The following RPS6KC1 variants were observed in gnomAD, a reference collection of about 807,000 sequenced individuals.
RPS6KC1 encodes ribosomal protein S6 kinase C1, also known as inactive ribosomal protein S6 kinase delta-1.
Under a neutral mutation model 103.8 loss-of-function variants are expected in RPS6KC1, and 54 were observed. That is an observed-to-expected ratio of 0.52 (90% CI 0.42 to 0.65). RPS6KC1 has a LOEUF of 0.65. Ranked by LOEUF, RPS6KC1 falls within the 30% of genes least tolerant of loss-of-function variation. The probability of loss-of-function intolerance (pLI) is 0.00; values close to 1 mark genes in which losing one functional copy is unlikely to be tolerated. For synonymous variants in RPS6KC1, 439 were observed against 438.7 expected (o/e 1.00, Z -0.01); for missense variants, 1,151 against 1,253.8 (o/e 0.92, Z 1.24).
the RPS6KC1 span, among the ~76,000 whole-genome samples, chr1:213,655,311 G>A: frequency 2.2e-5 from 3 of 138,008 alleles, no homozygotes; most frequent in East Asian, 2.0e-4. Flanking sequence ...CCAATGTACT[G>A]GGATTACAGG....
chr1:213,250,352 TTTCAAACAG>T (rs113831658), intron 12 of RPS6KC1, among the ~76,000 whole-genome samples: 13 of 152,308 alleles, frequency 8.5e-5, no homozygotes, highest in African/African-American at 3.1e-4. Flanking sequence ...TTCCAGGAAC[TTTCAAACAG>T]TTCATGTACC....
intron 7 of RPS6KC1, among the ~76,000 whole-genome samples, chr1:213,172,586 C>T (rs1053291581): frequency 6.6e-6 from 1 of 152,220 alleles, no homozygotes; most frequent in African/African-American, 2.4e-5. Flanking sequence ...GCACTCCAGC[C>T]TTGGTGACAG....
chr1:213,444,616 G>A, the RPS6KC1 span, among the ~76,000 whole-genome samples: 1 of 151,906 alleles, frequency 6.6e-6, no homozygotes, highest in African/African-American at 2.4e-5. Flanking sequence ...AATTAGCTGG[G>A]CGTGGTGGTG....
At chr1:213,230,429 T>C (rs2094065936) in intron 8 of RPS6KC1, 68 bp from the exon 9 acceptor site, 3 of 1,176,224 alleles carry the variant, frequency 2.6e-6, no homozygotes, top group Non-Finnish European at 3.7e-6. Flanking sequence ...TCTTAAAGTT[T>C]AGTTTAAAGC....
the RPS6KC1 span, among the ~76,000 whole-genome samples, chr1:213,694,640 C>G: frequency 6.6e-6 from 1 of 152,132 alleles, no homozygotes; most frequent in Non-Finnish European, 1.5e-5. Context: ...CTTGCAACAC[C>G]CAGTCCCGGT....
the RPS6KC1 span, among the ~76,000 whole-genome samples, chr1:213,355,234 G>A: frequency 6.6e-6 from 1 of 150,736 alleles, no homozygotes; most frequent in Admixed American, 6.6e-5. Context: ...AAAAAAAAAA[G>A]AGAGAGAGAG....
At chr1:213,271,706 G>A (rs1364149025) in intron 14 of RPS6KC1, among the ~76,000 whole-genome samples, 1 of 147,886 alleles carries the variant, frequency 6.8e-6, no homozygotes, top group East Asian at 2.0e-4. Flanking sequence ...GGAGCTTGCA[G>A]TGAGTCGAGA....
At chr1:213,684,728 T>C in the RPS6KC1 span, among the ~76,000 whole-genome samples, 4 of 152,206 alleles carry the variant, frequency 2.6e-5, no homozygotes, top group African/African-American at 9.7e-5. Context: ...GCCAGCACAA[T>C]GAAGTGCAAT....
At chr1:213,255,711 A>G (rs1458541125) in intron 12 of RPS6KC1, among the ~76,000 whole-genome samples, 1 of 152,236 alleles carries the variant, frequency 6.6e-6, no homozygotes, top group African/African-American at 2.4e-5. Context: ...GGGCAACCAA[A>G]TAAAGTCCTT....
chr1:213,121,062 G>C (rs1355946930), intron 5 of RPS6KC1, among the ~76,000 whole-genome samples: 1 of 152,068 alleles, frequency 6.6e-6, no homozygotes, highest in Non-Finnish European at 1.5e-5. Flanking sequence ...TGAGTAGCTG[G>C]GACTACAGGC....
chr1:213,146,022 G>T (rs1572824027), intron 6 of RPS6KC1, among the ~76,000 whole-genome samples: 2 of 80,212 alleles, frequency 2.5e-5, no homozygotes, highest in Non-Finnish European at 4.5e-5. Flanking sequence ...CCACCTCCCT[G>T]TAACCCCCCC....
chr1:213,133,937 G>GA (rs2085958415), intron 6 of RPS6KC1, among the ~76,000 whole-genome samples: 2 of 151,978 alleles, frequency 1.3e-5, no homozygotes, highest in African/African-American at 4.8e-5. Context: ...TAGAATATTT[G>GA]AAAACTTTCT....
At chr1:213,762,166 T>C in the RPS6KC1 span, among the ~76,000 whole-genome samples, 1 of 152,208 alleles carries the variant, frequency 6.6e-6, no homozygotes, top group Non-Finnish European at 1.5e-5. Flanking sequence ...GCAGGGACTC[T>C]GCCTTGCATA....
At chr1:213,355,647 C>G in the RPS6KC1 span, among the ~76,000 whole-genome samples, 1 of 152,176 alleles carries the variant, frequency 6.6e-6, no homozygotes, top group East Asian at 1.9e-4. Flanking sequence ...TAAGTTGTCT[C>G]TTGCAGAACA....
At chr1:213,444,057 A>AGGGC in the RPS6KC1 span, among the ~76,000 whole-genome samples, 1 of 152,118 alleles carries the variant, frequency 6.6e-6, no homozygotes, top group Non-Finnish European at 1.5e-5. Flanking sequence ...GTTCCTTCTG[A>AGGGC]GGGCTGTGAG....
chr1:213,601,688 G>A, the RPS6KC1 span, among the ~76,000 whole-genome samples: 1 of 151,794 alleles, frequency 6.6e-6, no homozygotes, highest in Non-Finnish European at 1.5e-5. Context: ...ACTTAATGGT[G>A]TCTGAAGATT....
intron 1 of RPS6KC1, among the ~76,000 whole-genome samples, chr1:213,056,026 A>G (rs1013207931): frequency 2.0e-5 from 3 of 152,090 alleles, no homozygotes; most frequent in Non-Finnish European, 4.4e-5. Flanking sequence ...TCCTCAGCCT[A>G]TTGCCTGGGA....
At chr1:213,117,432 G>T in intron 5 of RPS6KC1, 22 bp downstream of exon 5, 1 of 1,431,826 alleles carries the variant, frequency 7.0e-7, no homozygotes, top group Non-Finnish European at 9.8e-7. Context: ...TAATTTTTTT[G>T]CATTTCAAAG....
chr1:213,363,593 C>CCTCGCTTGCTTG, the RPS6KC1 span, among the ~76,000 whole-genome samples: 608 of 106,154 alleles, frequency 5.7e-3, 68 homozygotes, highest in African/African-American at 0.011. Flanking sequence ...ATTCTTTAGC[C>CCTCGCTTGCTTG]CTTGCTCGCT....
Sources: allele counts gnomAD v4.1 joint callset (sites outside exome capture counted in the v4.1 genomes callset), GRCh38; gene constraint gnomAD v4.1.1; transcripts MANE v1.5; gene names NCBI Gene and HGNC (gene_info 2026-07-23, HGNC 2026-07-21).